The following AREL1 variants were observed in gnomAD, a reference collection of about 807,000 sequenced individuals.
AREL1 encodes the protein apoptosis-resistant E3 ubiquitin protein ligase 1.
In AREL1, 62 loss-of-function variants were observed where a neutral mutation model predicts 99.0. The ratio of observed to expected loss-of-function variants is 0.63; its 90% confidence interval spans 0.51 to 0.77. AREL1 has a LOEUF of 0.77. Ranked by LOEUF, AREL1 falls within the 30% of genes least tolerant of loss-of-function variation. The probability of loss-of-function intolerance (pLI) is 0.00; values close to 1 mark genes in which losing one functional copy is unlikely to be tolerated. For synonymous variants in AREL1, 380 were observed against 376.5 expected, an observed-to-expected ratio of 1.01 and a Z score of -0.11; for missense variants, 879 against 1,027.6, an observed-to-expected ratio of 0.86 and a Z score of 1.98.
chr14:74,667,330 T>G lies in AREL1; in HGVS notation c.2092A>C (p.Asn698His). Reference sequence around the variant, plus strand: ...TTGCAATCACTTACCTCAAGCTCATTCTCATCAAAAATAGCCAAAAGGTTC... The same window carrying G: ...TTGCAATCACTTACCTCAAGCTCATGCTCATCAAAAATAGCCAAAAGGTTC... Reference protein sequence around the residue: ...PENLLAIFDENELELLMCGTG... With the variant: ...PENLLAIFDEHELELLMCGTG... Residue 698 changes from asparagine (N) to histidine (H), a missense_variant, in exon 17 of 20, where the codon AAT (asparagine) becomes CAT (histidine). Transcript: ENST00000356357. 1 of 1,614,066 alleles carries G rather than the reference T, an allele frequency of 6.2e-7. No homozygotes were observed. The highest frequency in any genetic ancestry group is 8.5e-7 in the Non-Finnish European group (1 of 1,180,012).
chr14:74,684,575 C>G lies in AREL1; in HGVS notation c.122G>C (p.Arg41Pro). 1 of 1,614,152 alleles carries G rather than the reference C, an allele frequency of 6.2e-7. No homozygotes were observed. The highest frequency in any genetic ancestry group is 8.5e-7 in the Non-Finnish European group (1 of 1,180,026). Residue 41 changes from arginine (R) to proline (P), a missense_variant, in exon 4 of 20, where the codon CGA becomes CCA. Arg to Pro is a moderately radical substitution (Grantham distance 103, BLOSUM62 -2). Transcript: ENST00000356357. ...GTAGTCATAAATAGTCCGGTCCCCTCGGCGCTCGCGGTCCTCATTCTGGAG... is the reference window on the plus strand; with the variant it reads ...GTAGTCATAAATAGTCCGGTCCCCTGGGCGCTCGCGGTCCTCATTCTGGAG... ...SFLQNEDRER[R>P]GDRTIYDYVR...
chr14:74,691,303 G>C (rs1387640796), intron 2 of AREL1, among the ~76,000 whole-genome samples: 1 of 112,922 alleles, frequency 8.9e-6, no homozygotes, highest in Non-Finnish European at 1.7e-5. Flanking sequence ...CTGGTTGACA[G>C]AGAAAGACCC....
chr14:74,698,286 T>C lies in AREL1; in HGVS notation c.-333-5958A>G, dbSNP rs186959889. ...ATTATTTTTCTGCTATGTTTCCCCA[T>C]CCTAGATATCTATATTTATTTTCTC... On this transcript the variant is annotated intron_variant, in intron 1 of 19. Transcript: ENST00000356357. Among the ~76,000 whole-genome samples the C allele has an allele frequency of 1.8e-3, 279 of 152,274 alleles. 2 individuals are homozygous for C. The highest frequency in any genetic ancestry group is 6.0e-3 in the African/African-American group (251 of 41,562).
intron 15 of AREL1, among the ~76,000 whole-genome samples, chr14:74,669,349 C>T (rs2089278902): frequency 6.6e-6 from 1 of 152,076 alleles, no homozygotes; most frequent in Non-Finnish European, 1.5e-5. Flanking sequence ...AAGCAGGACT[C>T]GGTGGGATAG....
At chr14:74,678,671 T>C (rs955280003) in intron 5 of AREL1, among the ~76,000 whole-genome samples, 3 of 125,456 alleles carry the variant, frequency 2.4e-5, no homozygotes, top group Non-Finnish European at 4.8e-5. Context: ...CAACAAATGA[T>C]GCTGGAGTAA....
rs1230073109 is a variant in AREL1, at chr14:74,692,167, A to G, written c.-172T>C. ...GAAAGAAAAACGCCACAAGGTCAACAGAAAGGGTCTATCCATCAGACTTTG... is the reference window on the plus strand; with the variant it reads ...GAAAGAAAAACGCCACAAGGTCAACGGAAAGGGTCTATCCATCAGACTTTG... On this transcript the variant is annotated 5_prime_UTR_variant, in exon 2 of 20. Coordinates refer to ENST00000356357, the MANE Select transcript of AREL1 (RefSeq NM_001039479.2). 3.1e-5 allele frequency: 14 copies of G among 447,086 alleles called. No homozygotes were observed. Among genetic ancestry groups the G allele is most frequent in the Non-Finnish European group, 5.3e-5 (12 of 224,846 alleles). 27.7% of individuals were successfully genotyped at this position (447,086 alleles called of 1,614,324 possible).
At chr14:74,693,056 A>G (rs763255486) in intron 1 of AREL1, among the ~76,000 whole-genome samples, 3 of 152,288 alleles carry the variant, frequency 2.0e-5, no homozygotes, top group Non-Finnish European at 2.9e-5. Context: ...GCACAACCAC[A>G]TACCCAGTTT....
At chr14:74,667,816 T>C (rs766494403) in intron 15 of AREL1, among the ~76,000 whole-genome samples, 12 of 152,212 alleles carry the variant, frequency 7.9e-5, no homozygotes, top group Non-Finnish European at 1.3e-4. Flanking sequence ...ATTTCTGAAA[T>C]GGGTGCCTGG....
intron 1 of AREL1, among the ~76,000 whole-genome samples, chr14:74,707,790 C>T (rs1185817141): frequency 2.7e-5 from 1 of 37,672 alleles, no homozygotes; most frequent in South Asian, 8.5e-4. Context: ...TGAGATTCGT[C>T]TCAAAAAAAA....
chr14:74,668,738 A>G (rs1320941235), intron 15 of AREL1, among the ~76,000 whole-genome samples: 1 of 152,146 alleles, frequency 6.6e-6, no homozygotes, highest in East Asian at 1.9e-4. Context: ...CAATTTTTCA[A>G]TCATTCCTAT....
chr14:74,664,430 T>C (rs1441206654), intron 18 of AREL1, among the ~76,000 whole-genome samples: 5 of 150,068 alleles, frequency 3.3e-5, no homozygotes, highest in Non-Finnish European at 7.4e-5. Flanking sequence ...CTCCCCTACT[T>C]TTTTCTTCTT....
chr14:74,664,628 T>G (rs962499804), intron 18 of AREL1, among the ~76,000 whole-genome samples: 3 of 148,146 alleles, frequency 2.0e-5, no homozygotes, highest in Admixed American at 6.7e-5. Flanking sequence ...TTTTTTTTTT[T>G]TTTTGTATTG....
intron 1 of AREL1, among the ~76,000 whole-genome samples, chr14:74,692,978 G>T (rs1269419471): frequency 2.0e-5 from 3 of 152,136 alleles, no homozygotes; most frequent in Non-Finnish European, 4.4e-5. Context: ...CAAAGTGCTG[G>T]GATTACAGGT....
chr14:74,666,091 A>C (rs1402834694), intron 17 of AREL1, among the ~76,000 whole-genome samples: 2 of 152,252 alleles, frequency 1.3e-5, no homozygotes, highest in Non-Finnish European at 2.9e-5. Context: ...TTTGGATTTC[A>C]CATCTGAAGA....
chr14:74,713,075 G>C lies in AREL1; in HGVS notation c.-476C>G, dbSNP rs753335684. The C allele has an allele frequency of 6.9e-6, 11 of 1,586,400 alleles. No individual in the cohort carries two copies. Among genetic ancestry groups the C allele is most frequent in the Admixed American group, 3.3e-5 (2 of 59,894 alleles). Reference sequence around the variant, plus strand: ...CCACCCGGCCTGGGAACCGGCTCGGGGGATTGCCCTTTCCCCAAGGAGTTT... The same window carrying C: ...CCACCCGGCCTGGGAACCGGCTCGGCGGATTGCCCTTTCCCCAAGGAGTTT... On this transcript the variant is annotated 5_prime_UTR_variant, in exon 1 of 20. Coordinates refer to ENST00000356357, the MANE Select transcript of AREL1 (RefSeq NM_001039479.2).
rs374539009 is a variant in AREL1, at chr14:74,669,912, G to C, written c.1788+35C>G. 2.4e-5 allele frequency: 38 copies of C among 1,583,734 alleles called. No individual in the cohort carries two copies. In the East Asian group the frequency reaches 8.5e-4, roughly 36 times the overall value. ...GAGAGATTTCAGGGTTAATGGCCAG[G>C]GGCCTTAGTAGGAAATGCACACCCA... On this transcript the variant is annotated intron_variant, in intron 14 of 19. Transcript: ENST00000356357.
At chr14:74,667,963 C>G (rs1315821028) in intron 15 of AREL1, among the ~76,000 whole-genome samples, 7 of 152,182 alleles carry the variant, frequency 4.6e-5, no homozygotes, top group Non-Finnish European at 1.0e-4. Flanking sequence ...AGAGTAAAAT[C>G]AGATAAGCAG....
Position 74,661,539 on chromosome 14 carries a change from A to G in AREL1, c.*2181T>C, listed in dbSNP as rs1255892414. The G allele has an allele frequency of 1.8e-5, 5 of 282,252 alleles. No individual in the cohort carries two copies. Among genetic ancestry groups the G allele is most frequent in the Non-Finnish European group, 3.6e-5 (5 of 140,708 alleles). The allele number at this position is 282,252 out of a possible 1,614,324, so 17.5% of individuals were successfully genotyped here. A position where few individuals can be genotyped will look rare whatever the true frequency, so the allele number is the denominator to read the frequency against. On this transcript the variant is annotated 3_prime_UTR_variant, in exon 20 of 20. Coordinates refer to ENST00000356357, the MANE Select transcript of AREL1 (RefSeq NM_001039479.2). ...CTAATAGAAAATTGCCCAAGAAATA[A>G]CACTCTCTCATCTCTTTGACATATT...
Position 74,692,088 on chromosome 14 carries a change from T to C in AREL1, c.-93A>G. On this transcript the variant is annotated 5_prime_UTR_variant, in exon 2 of 20. It removes the in-frame stop codon of an upstream open reading frame in the 5' UTR. Coordinates refer to ENST00000356357, the MANE Select transcript of AREL1 (RefSeq NM_001039479.2). ...TGAGAACCAAGTAGAGCACTCCTAT[T>C]CACCAAAGCAGGTAACTTTTGGCCC... 2.3e-6 allele frequency: 1 copy of C among 426,418 alleles called. No individual in the cohort carries two copies. The highest frequency in any genetic ancestry group is 4.6e-6 in the Non-Finnish European group (1 of 219,658). The allele number at this position is 426,418 out of a possible 1,614,324, so 26.4% of individuals were successfully genotyped here.
Sources: allele counts gnomAD v4.1 joint callset (sites outside exome capture counted in the v4.1 genomes callset), GRCh38; gene constraint gnomAD v4.1.1; transcripts MANE v1.5; gene names NCBI Gene and HGNC (gene_info 2026-07-23, HGNC 2026-07-21).